The following TOGARAM1 variants were observed in gnomAD, a reference collection of about 807,000 sequenced individuals.
TOGARAM1 encodes TOG array regulator of axonemal microtubules protein 1.
Under a neutral mutation model 166.6 loss-of-function variants are expected in TOGARAM1, and 100 were observed. That is an observed-to-expected ratio of 0.60 (90% CI 0.51 to 0.71). TOGARAM1 has a LOEUF of 0.71. TOGARAM1 is among the 30% of genes least tolerant of loss of function. The pLI is 0.00. For synonymous variants in TOGARAM1, 758 were observed against 763.8 expected (o/e 0.99, Z 0.13); for missense variants, 2,029 against 2,102.7 (o/e 0.96, Z 0.69).
intron 7 of TOGARAM1, among the ~76,000 whole-genome samples, chr14:45,020,789 C>T (rs185223909): frequency 5.9e-5 from 9 of 152,208 alleles, no homozygotes; most frequent in Admixed American, 1.3e-4. Flanking sequence ...AAATTTTACA[C>T]GGGTGAGGTT....
intron 1 of TOGARAM1, among the ~76,000 whole-genome samples, chr14:44,975,779 T>C (rs1461953134): frequency 6.6e-6 from 1 of 151,562 alleles, no homozygotes; most frequent in Non-Finnish European, 1.5e-5. Context: ...CCCTGCCTTT[T>C]TTTTTTTTTT....
intron 5 of TOGARAM1, 25 bp downstream of exon 5, chr14:45,006,292 C>A: frequency 1.3e-6 from 2 of 1,517,846 alleles, no homozygotes; most frequent in South Asian, 1.3e-5. Context: ...TTTTTAATGA[C>A]TTAAAAATAT....
At chr14:45,036,365 C>T (rs1263847476) in intron 11 of TOGARAM1, among the ~76,000 whole-genome samples, 1 of 151,904 alleles carries the variant, frequency 6.6e-6, no homozygotes, top group Non-Finnish European at 1.5e-5. Context: ...GAACTAAACA[C>T]CCTAGTGAGA....
chr14:45,054,571 C>G, intron 16 of TOGARAM1, 22 bp downstream of exon 16: 1 of 1,511,862 alleles, frequency 6.6e-7, no homozygotes, highest in Non-Finnish European at 9.1e-7. Context: ...TAATAGTCCT[C>G]ATCAGAGAAA....
rs762723008 is a variant in TOGARAM1, at chr14:45,008,894, T to C, written c.2905-19T>C. ...AAGGAATTTATGTTATAAAGTTTAT[T>C]GTTTTCATTTTTTCTTAGATGCATA... is the stretch of plus-strand genomic sequence containing the variant. On this transcript the variant is annotated intron_variant, in intron 5 of 19. Coordinates refer to ENST00000361462, the MANE Select transcript of TOGARAM1 (RefSeq NM_001308120.2). The C allele has an allele frequency of 6.4e-7, 1 of 1,571,534 alleles. No homozygotes were observed. The highest frequency in any genetic ancestry group is 8.6e-7 in the Non-Finnish European group (1 of 1,156,838).
Position 44,962,294 on chromosome 14 carries a change from C to T in TOGARAM1, c.-128C>T, listed in dbSNP as rs1284494114. ...CCCGGAGTTGGGGGCGGCCTGGCGG[C>T]AGGCTGAAGCTGTTCTTTTGCCTCT... is the stretch of plus-strand genomic sequence containing the variant. On this transcript the variant is annotated 5_prime_UTR_variant, in exon 1 of 20. Transcript: ENST00000361462. 13 of 1,211,344 alleles carry T rather than the reference C, an allele frequency of 1.1e-5. No individual in the cohort carries two copies. The African/African-American group carries it at 2.0e-4, about 19-fold the overall frequency. 75.0% of individuals were successfully genotyped at this position (1,211,344 alleles called of 1,614,324 possible). A position where few individuals can be genotyped will look rare whatever the true frequency, so the allele number is the denominator to read the frequency against.
At position 44,963,121 on chromosome 14, in the gene TOGARAM1, A is replaced by C; in HGVS notation, c.700A>C (p.Thr234Pro). 2 of 1,614,198 alleles carry C rather than the reference A, an allele frequency of 1.2e-6. No homozygotes were observed. Among genetic ancestry groups the C allele is most frequent in the Non-Finnish European group, 1.7e-6 (2 of 1,180,036 alleles). Reference sequence around the variant, plus strand: ...TACCGATGCCCGACTTAGAGCTTCCACAGCACTACTGCTTCCCATCTTGCT... The same window carrying C: ...TACCGATGCCCGACTTAGAGCTTCCCCAGCACTACTGCTTCCCATCTTGCT... The part of the protein sequence containing the change: ...ESTDARLRAS[T>P]ALLLPILLTT... Residue 234 changes from threonine to proline, a missense_variant, in exon 1 of 20, where the codon ACA becomes CCA. This residue lies in a region of TOGARAM1 where 1,453 missense variants were observed against 1,432.2 expected (regional missense o/e 1.01). Transcript: ENST00000361462.
intron 1 of TOGARAM1, among the ~76,000 whole-genome samples, chr14:44,990,211 A>G (rs1279809957): frequency 1.3e-5 from 2 of 152,260 alleles, no homozygotes; most frequent in Admixed American, 6.5e-5. Context: ...CCACCTGACT[A>G]TACTATCATC....
At chr14:44,978,627 G>C (rs1047239332) in intron 1 of TOGARAM1, among the ~76,000 whole-genome samples, 1 of 151,470 alleles carries the variant, frequency 6.6e-6, no homozygotes, top group Non-Finnish European at 1.5e-5. Context: ...CAATATGGTA[G>C]GACTCTAAAA....
intron 1 of TOGARAM1, 180 bp from the exon 2 acceptor site, chr14:44,995,566 G>C (rs1478228370): frequency 1.3e-5 from 8 of 625,486 alleles, no homozygotes; most frequent in African/African-American, 9.0e-5. Flanking sequence ...TTCTCTTCTG[G>C]AATGAAAAGT....
At chr14:45,036,289 C>T (rs1233277846) in intron 11 of TOGARAM1, among the ~76,000 whole-genome samples, 1 of 151,496 alleles carries the variant, frequency 6.6e-6, no homozygotes, top group Non-Finnish European at 1.5e-5. Context: ...AAAGATGGGA[C>T]AAATAGAAAA....
At chr14:45,048,492 A>G (rs1882198175) in intron 14 of TOGARAM1, among the ~76,000 whole-genome samples, 1 of 152,176 alleles carries the variant, frequency 6.6e-6, no homozygotes, top group Non-Finnish European at 1.5e-5. Context: ...AAGTAAATAT[A>G]TTAGTTTTTC....
intron 7 of TOGARAM1, 31 bp downstream of exon 7, chr14:45,012,106 A>T: frequency 7.5e-7 from 1 of 1,333,686 alleles, no homozygotes; most frequent in Non-Finnish European, 1.0e-6. Context: ...AAAATAATTT[A>T]TAAAATATGA....
chr14:44,983,921 C>G (rs953523184), intron 1 of TOGARAM1, among the ~76,000 whole-genome samples: 1 of 152,096 alleles, frequency 6.6e-6, no homozygotes, highest in African/African-American at 2.4e-5. Context: ...CTGTTGGCAA[C>G]AGGATATTTT....
intron 7 of TOGARAM1, among the ~76,000 whole-genome samples, chr14:45,013,217 A>T (rs920682064): frequency 6.6e-6 from 1 of 152,216 alleles, no homozygotes; most frequent in Non-Finnish European, 1.5e-5. Context: ...AAAAGAGCTC[A>T]GTTGCTTTCT....
chr14:44,973,917 T>G (rs1029972519), intron 1 of TOGARAM1, among the ~76,000 whole-genome samples: 1 of 151,870 alleles, frequency 6.6e-6, no homozygotes, highest in Non-Finnish European at 1.5e-5. Context: ...TGTTTTGTTT[T>G]GTTTTTCCTT....
At chr14:45,044,550 A>AC (rs1231613454) in intron 12 of TOGARAM1, 85 bp from the exon 13 acceptor site, 1 of 1,081,528 alleles carries the variant, frequency 9.2e-7, no homozygotes, top group African/African-American at 1.6e-5. Flanking sequence ...CAAAAAAAAA[A>AC]ACATTGTAAA....
Position 44,962,292 on chromosome 14 carries a change from G to C in TOGARAM1, c.-130G>C. The C allele has an allele frequency of 8.3e-7, 1 of 1,200,364 alleles. No homozygotes were observed. Among genetic ancestry groups the C allele is most frequent in the Non-Finnish European group, 1.1e-6 (1 of 903,126 alleles). 74.4% of individuals were successfully genotyped at this position (1,200,364 alleles called of 1,614,324 possible). A position where few individuals can be genotyped will look rare whatever the true frequency, so the allele number is the denominator to read the frequency against. On this transcript the variant is annotated 5_prime_UTR_variant, in exon 1 of 20. Transcript: ENST00000361462. ...CTCCCGGAGTTGGGGGCGGCCTGGC[G>C]GCAGGCTGAAGCTGTTCTTTTGCCT...
chr14:44,992,680 C>T (rs1328957747), intron 1 of TOGARAM1, among the ~76,000 whole-genome samples: 4 of 140,312 alleles, frequency 2.9e-5, no homozygotes, highest in East Asian at 4.2e-4. Flanking sequence ...TGCAGTGGCG[C>T]GATCCTGGCT....
Sources: allele counts gnomAD v4.1 joint callset (sites outside exome capture counted in the v4.1 genomes callset), GRCh38; gene constraint gnomAD v4.1.1; regional missense constraint gnomAD v4.1.1; transcripts MANE v1.5; gene names NCBI Gene and HGNC (gene_info 2026-07-23, HGNC 2026-07-21).